CACNA2D3: variants seen among roughly 807,000 people sequenced by gnomAD.
CACNA2D3 encodes the protein calcium voltage-gated channel auxiliary subunit alpha2delta 3.
CACNA2D3 carries 60 observed loss-of-function variants against 160.6 expected under a neutral mutation model. The ratio of observed to expected loss-of-function variants is 0.37; its 90% CI spans 0.30 to 0.46. The LOEUF is 0.46. Ranked by LOEUF, CACNA2D3 falls within the 20% of genes least tolerant of loss-of-function variation. The pLI is 1.00. For missense variants in CACNA2D3, 1,205 were observed against 1,365.0 expected (o/e 0.88, Z 1.85); for synonymous variants, 558 against 492.9 (o/e 1.13, Z -1.75).
chr3:54,988,293 A>T (rs765246017), intron 31 of CACNA2D3, among the ~76,000 whole-genome samples: 1 of 152,242 alleles, frequency 6.6e-6, no homozygotes, highest in Non-Finnish European at 1.5e-5. Context: ...CAGGTGGCAG[A>T]TACTGACTAC....
intron 10 of CACNA2D3, among the ~76,000 whole-genome samples, chr3:54,628,791 C>T (rs946234733): frequency 2.0e-5 from 3 of 152,140 alleles, no homozygotes; most frequent in Non-Finnish European, 2.9e-5. Context: ...GAGGCATCTC[C>T]TCTCTAGGGC....
In CACNA2D3 at chr3:54,305,988, T is replaced by G. The variant is rs550111529; in HGVS notation, c.205-14454T>G. 1.5e-3 allele frequency among the ~76,000 whole-genome samples: 227 copies of G among 152,318 alleles called. 2 individuals carry two copies. Among genetic ancestry groups the G allele is most frequent in the African/African-American group, 5.2e-3 (218 of 41,570 alleles). ...CTCACCACTAGATCTCATTGTTTAATGCACCCATGAAGAAACACCTGTGTT... is the reference window on the plus strand; with the variant it reads ...CTCACCACTAGATCTCATTGTTTAAGGCACCCATGAAGAAACACCTGTGTT... On this transcript the variant is annotated intron_variant, in intron 2 of 37. Coordinates refer to ENST00000474759, the MANE Select transcript of CACNA2D3 (RefSeq NM_018398.3).
intron 11 of CACNA2D3, among the ~76,000 whole-genome samples, chr3:54,737,800 G>A (rs1179488587): frequency 6.6e-6 from 1 of 152,162 alleles, no homozygotes; most frequent in African/African-American, 2.4e-5. Flanking sequence ...GAGTAGCTGG[G>A]ATTGTAGGTG....
chr3:54,242,202 A>G (rs9808908), intron 2 of CACNA2D3, among the ~76,000 whole-genome samples: 1,529 of 152,182 alleles, frequency 0.01, 34 homozygotes, highest in African/African-American at 0.035. Context: ...GGGTAGATCA[A>G]CTGAGGTCAG....
intron 2 of CACNA2D3, among the ~76,000 whole-genome samples, chr3:54,135,590 AT>A (rs1699800143): frequency 6.6e-6 from 1 of 152,184 alleles, no homozygotes; most frequent in Non-Finnish European, 1.5e-5. Flanking sequence ...TCAGGACTGA[AT>A]ATTGTGTTGT....
intron 10 of CACNA2D3, among the ~76,000 whole-genome samples, chr3:54,631,693 C>G (rs775835024): frequency 2.0e-5 from 3 of 152,154 alleles, no homozygotes; most frequent in Non-Finnish European, 4.4e-5. Flanking sequence ...GCTTGCAGTT[C>G]TTGATACAAA....
intron 3 of CACNA2D3, among the ~76,000 whole-genome samples, chr3:54,381,665 T>C (rs1699104988): frequency 6.6e-6 from 1 of 152,222 alleles, no homozygotes; most frequent in Non-Finnish European, 1.5e-5. Context: ...TCTGTAATGT[T>C]GTGCGGATAT....
intron 17 of CACNA2D3, among the ~76,000 whole-genome samples, chr3:54,857,163 A>T (rs1227000887): frequency 1.3e-5 from 2 of 151,946 alleles, no homozygotes; most frequent in Non-Finnish European, 2.9e-5. Flanking sequence ...GTGTACAAAA[A>T]CTCTGAGGCA....
chr3:54,494,144 G>A (rs1048149258), intron 4 of CACNA2D3, among the ~76,000 whole-genome samples: 5 of 152,122 alleles, frequency 3.3e-5, no homozygotes, highest in East Asian at 1.9e-4. Flanking sequence ...AAATTTACTC[G>A]GATGACATGG....
chr3:54,711,595 C>A (rs1471092663), intron 11 of CACNA2D3, among the ~76,000 whole-genome samples: 9 of 152,220 alleles, frequency 5.9e-5, no homozygotes, highest in Admixed American at 5.9e-4. Flanking sequence ...ATGCCAGAAC[C>A]AATCATTGGC....
intron 27 of CACNA2D3, among the ~76,000 whole-genome samples, chr3:54,927,710 A>G (rs1358455075): frequency 6.6e-6 from 1 of 152,182 alleles, no homozygotes; most frequent in Non-Finnish European, 1.5e-5. Context: ...ATGACTGCAT[A>G]CATTTCTCTC....
At chr3:54,533,811 G>A (rs1701844113) in intron 5 of CACNA2D3, among the ~76,000 whole-genome samples, 1 of 151,892 alleles carries the variant, frequency 6.6e-6, no homozygotes, top group East Asian at 1.9e-4. Context: ...GTGTGTGTGT[G>A]TGTGTGTGTG....
At chr3:54,809,226 TTC>T (rs1395407587) in intron 13 of CACNA2D3, among the ~76,000 whole-genome samples, 1 of 150,944 alleles carries the variant, frequency 6.6e-6, no homozygotes, top group African/African-American at 2.4e-5. Flanking sequence ...CTGCTCTCAT[TTC>T]TCTCTTTCTC....
At position 54,759,711 on chromosome 3, in the gene CACNA2D3, T is replaced by C. The variant is rs1467145936; in HGVS notation, c.1247-4507T>C. On this transcript the variant is annotated intron_variant, in intron 12 of 37. Coordinates refer to ENST00000474759, the MANE Select transcript of CACNA2D3 (RefSeq NM_018398.3). Reference sequence around the variant, plus strand: ...GCTCATTGCTCAAAGGACAGTCATATATTGCCCCATCCCCATCCTCAGAGT... The same window carrying C: ...GCTCATTGCTCAAAGGACAGTCATACATTGCCCCATCCCCATCCTCAGAGT... 1.4e-4 allele frequency among the ~76,000 whole-genome samples: 21 copies of C among 152,200 alleles called. 1 individual carries two copies.
At chr3:54,636,091 A>T (rs1699364196) in intron 10 of CACNA2D3, among the ~76,000 whole-genome samples, 1 of 151,878 alleles carries the variant, frequency 6.6e-6, no homozygotes, top group Non-Finnish European at 1.5e-5. Flanking sequence ...AGAATAGCAG[A>T]TGGAACACTG....
chr3:54,727,290 C>T (rs148200370), intron 11 of CACNA2D3, among the ~76,000 whole-genome samples: 2,551 of 152,244 alleles, frequency 0.017, 33 homozygotes, highest in Non-Finnish European at 0.026. Context: ...GAAATAGGAA[C>T]GCTCTTACAC....
intron 9 of CACNA2D3, among the ~76,000 whole-genome samples, chr3:54,618,392 C>T (rs1398169189): frequency 6.7e-6 from 1 of 148,588 alleles, no homozygotes; most frequent in Non-Finnish European, 1.5e-5. Flanking sequence ...CACACACACA[C>T]ACACACACAC....
In CACNA2D3 at chr3:54,497,320, A is replaced by G. The variant is rs1490460811; in HGVS notation, c.382-6172A>G. ...TTTTAGTACTTTGTAGTATACAGGC[A>G]TTGCACATAGTTTAATATACACCTA... On this transcript the variant is annotated intron_variant, in intron 4 of 37. Coordinates refer to ENST00000474759, the MANE Select transcript of CACNA2D3 (RefSeq NM_018398.3). Among the ~76,000 whole-genome samples, 3 of 152,140 alleles carry G rather than the reference A, an allele frequency of 2.0e-5. 1 individual carries two copies. In the East Asian group the frequency reaches 5.8e-4, roughly 29 times the overall value.
chr3:54,918,994 CCT>C lies in CACNA2D3; in HGVS notation c.2449+19127_2449+19128del, dbSNP rs199911752. On this transcript the variant is annotated intron_variant, in intron 27 of 37. Coordinates refer to ENST00000474759, the MANE Select transcript of CACNA2D3 (RefSeq NM_018398.3). ...TTAGGCAGATGGAATTTATGAAGTA[CCT>C]TTTTTTTTTTTAAATCCTGGAGTCA... 4.7e-3 allele frequency: 4,126 copies of C among 871,168 alleles called. 113 individuals are homozygous for C. The African/African-American group carries it at 0.076, about 16-fold the overall frequency. The allele number at this position is 871,168 out of a possible 1,614,324, so 54.0% of individuals were successfully genotyped here. A position where few individuals can be genotyped will look rare whatever the true frequency, so the allele number is the denominator to read the frequency against.
Sources: gnomAD v4.1 joint callset for allele counts (sites outside exome capture counted in the v4.1 genomes callset) on GRCh38, gnomAD v4.1.1 for gene constraint, MANE v1.5 for transcripts, NCBI Gene and HGNC (gene_info 2026-07-23, HGNC 2026-07-21) for gene names.